Variants in PPP2R2B observed in about 807,000 individuals in gnomAD.
PPP2R2B encodes protein phosphatase 2 regulatory subunit Bbeta.
PPP2R2B carries 5 observed loss-of-function variants against 46.0 expected under a neutral mutation model. The observed-to-expected ratio is 0.11, with a 90% CI of 0.06 to 0.23. The LOEUF (loss-of-function observed/expected upper bound fraction) is 0.23, where lower values mean the gene tolerates loss of function less well. Among genes scored for constraint, PPP2R2B ranks in the 10% least tolerant of loss-of-function variants. PPP2R2B has a pLI of 1.00. For missense variants in PPP2R2B, 367 were observed against 575.0 expected, an observed-to-expected ratio of 0.64 and a Z score of 3.70; for synonymous variants, 215 against 206.7, an observed-to-expected ratio of 1.04 and a Z score of -0.34.
chr5:146,637,508 G>T (rs188720291), intron 7 of PPP2R2B, among the ~76,000 whole-genome samples: 6 of 152,258 alleles, frequency 3.9e-5, no homozygotes, highest in Admixed American at 1.3e-4. Context: ...CTGTCTCCTT[G>T]TTTCTTTGTT....
intron 1 of PPP2R2B, among the ~76,000 whole-genome samples, chr5:146,941,227 C>G (rs75132174): frequency 0.026 from 3,985 of 152,270 alleles, 88 homozygotes; most frequent in Non-Finnish European, 0.035. Flanking sequence ...TTCTCCCCAA[C>G]AAATGCCATA....
chr5:146,825,631 C>T (rs1223481674), intron 2 of PPP2R2B, among the ~76,000 whole-genome samples: 1 of 152,176 alleles, frequency 6.6e-6, no homozygotes, highest in African/African-American at 2.4e-5. Flanking sequence ...AATTTAGGCT[C>T]CTCCACCTAT....
chr5:146,591,292 G>A (rs1770623571), intron 9 of PPP2R2B, among the ~76,000 whole-genome samples: 1 of 152,174 alleles, frequency 6.6e-6, no homozygotes, highest in South Asian at 2.1e-4. Flanking sequence ...ACAGCAAGGG[G>A]GATGTGTTTT....
intron 2 of PPP2R2B, among the ~76,000 whole-genome samples, chr5:146,742,582 T>C (rs1344834640): frequency 1.3e-5 from 2 of 152,286 alleles, no homozygotes; most frequent in East Asian, 1.9e-4. Context: ...GGGTAGAGAA[T>C]AGATTTATAG....
At chr5:146,699,256 CAG>C (rs1314742369) in intron 3 of PPP2R2B, among the ~76,000 whole-genome samples, 1 of 152,150 alleles carries the variant, frequency 6.6e-6, no homozygotes, top group Non-Finnish European at 1.5e-5. Flanking sequence ...TGTATTTGTG[CAG>C]ACTCTCTGGG....
chr5:146,909,456 G>A (rs2151804212), intron 1 of PPP2R2B, among the ~76,000 whole-genome samples: 1 of 152,302 alleles, frequency 6.6e-6, no homozygotes, highest in African/African-American at 2.4e-5. Context: ...TAAGAGGTCA[G>A]TAAAGCTCTT....
At chr5:146,649,286 T>C (rs1775787445) in intron 6 of PPP2R2B, among the ~76,000 whole-genome samples, 1 of 152,146 alleles carries the variant, frequency 6.6e-6, no homozygotes, top group Non-Finnish European at 1.5e-5. Context: ...GTGCCATTCC[T>C]CATAAATCTC....
At chr5:146,697,456 A>G (rs1779242510) in intron 4 of PPP2R2B, among the ~76,000 whole-genome samples, 2 of 152,352 alleles carry the variant, frequency 1.3e-5, no homozygotes, top group Non-Finnish European at 2.9e-5. Context: ...GGAGGGAGAT[A>G]GGAAAAGAAA....
intron 1 of PPP2R2B, among the ~76,000 whole-genome samples, chr5:146,999,351 T>C (rs1754063012): frequency 6.6e-6 from 1 of 152,194 alleles, no homozygotes; most frequent in South Asian, 2.1e-4. Flanking sequence ...GAATATTGCA[T>C]TAGACCAGAT....
chr5:147,042,932 T>C (rs1022297330), intron 1 of PPP2R2B, among the ~76,000 whole-genome samples: 2 of 152,036 alleles, frequency 1.3e-5, no homozygotes, highest in South Asian at 4.1e-4. Flanking sequence ...ACGTGGTCTG[T>C]TTGAAGAACA....
intron 2 of PPP2R2B, chr5:146,706,568 C>T: frequency 3.2e-6 from 3 of 931,538 alleles, no homozygotes; most frequent in Non-Finnish European, 5.2e-6. Context: ...CCAGCTCGGA[C>T]AGCTTAGCGT....
At chr5:146,998,568 C>T (rs1754025052) in intron 1 of PPP2R2B, among the ~76,000 whole-genome samples, 1 of 152,140 alleles carries the variant, frequency 6.6e-6, no homozygotes, top group Non-Finnish European at 1.5e-5. Flanking sequence ...AAACAGAAAC[C>T]TGATTTGCCA....
intron 2 of PPP2R2B, among the ~76,000 whole-genome samples, chr5:146,802,616 G>C (rs574378453): frequency 3.3e-5 from 5 of 152,128 alleles, no homozygotes; most frequent in Admixed American, 3.3e-4. Context: ...AGAATCCCAG[G>C]CTCTGGGACC....
intron 1 of PPP2R2B, among the ~76,000 whole-genome samples, chr5:146,902,168 T>C (rs1434732605): frequency 6.6e-6 from 1 of 152,066 alleles, no homozygotes; most frequent in Non-Finnish European, 1.5e-5. Flanking sequence ...GCCCCCAAAG[T>C]CACCATTTCT....
chr5:146,744,601 C>A (rs2151225515), intron 2 of PPP2R2B, among the ~76,000 whole-genome samples: 1 of 152,310 alleles, frequency 6.6e-6, no homozygotes, highest in South Asian at 2.1e-4. Context: ...GCTCCATCAG[C>A]ACTGGGATAT....
At chr5:147,012,084 T>A (rs1057128707) in intron 1 of PPP2R2B, among the ~76,000 whole-genome samples, 1 of 150,722 alleles carries the variant, frequency 6.6e-6, no homozygotes, top group Non-Finnish European at 1.5e-5. Context: ...AGAATGATGC[T>A]GGCCTCATAA....
chr5:146,809,955 G>A (rs752522755), intron 2 of PPP2R2B, among the ~76,000 whole-genome samples: 15 of 152,084 alleles, frequency 9.9e-5, no homozygotes, highest in Non-Finnish European at 1.9e-4. Context: ...TCTTGGGGGA[G>A]TACAAAAAAG....
At chr5:146,989,193 A>G (rs1231453111) in intron 1 of PPP2R2B, among the ~76,000 whole-genome samples, 3 of 152,056 alleles carry the variant, frequency 2.0e-5, no homozygotes, top group Non-Finnish European at 1.5e-5. Context: ...ACAAATATCA[A>G]TTCTACTTAA....
At chr5:147,046,296 G>C (rs536074934) in intron 1 of PPP2R2B, among the ~76,000 whole-genome samples, 1 of 152,288 alleles carries the variant, frequency 6.6e-6, no homozygotes, top group African/African-American at 2.4e-5. Context: ...TCAACAATAA[G>C]ATCCAGAGCA....
Sources: gnomAD v4.1 joint callset for allele counts (sites outside exome capture counted in the v4.1 genomes callset) on GRCh38, gnomAD v4.1.1 for gene constraint, MANE v1.5 for transcripts, NCBI Gene and HGNC (gene_info 2026-07-23, HGNC 2026-07-21) for gene names.